The following FBXL20 variants were observed in gnomAD, a reference collection of about 807,000 sequenced individuals.
The protein encoded by FBXL20 is F-box and leucine rich repeat protein 20, also known as F-box/LRR-repeat protein 20.
In FBXL20, 11 loss-of-function variants were observed where a neutral mutation model predicts 64.0. That is an observed-to-expected ratio of 0.17 (90% CI 0.11 to 0.28). FBXL20 has a LOEUF of 0.28. FBXL20 is among the 10% of genes least tolerant of loss of function. The pLI, the probability that FBXL20 is intolerant of heterozygous loss-of-function variation, is 1.00. For synonymous variants in FBXL20, 184 were observed against 189.0 expected (o/e 0.97, Z 0.22); for missense variants, 303 against 526.2 (o/e 0.58, Z 4.15).
intron 14 of FBXL20, among the ~76,000 whole-genome samples, chr17:39,262,989 G>A (rs1295428267): frequency 8.0e-6 from 1 of 124,554 alleles, no homozygotes; most frequent in Non-Finnish European, 1.7e-5. Context: ...GTGACAGAGC[G>A]AGACTCTGTC....
chr17:39,325,609 A>G (rs2047401597), intron 2 of FBXL20, among the ~76,000 whole-genome samples: 1 of 152,170 alleles, frequency 6.6e-6, no homozygotes, highest in African/African-American at 2.4e-5. Context: ...AATGGATAGA[A>G]ACCTGCAAAG....
chr17:39,343,146 TAAAA>T (rs763334737), intron 2 of FBXL20, 30 bp downstream of exon 2: 55 of 1,529,112 alleles, frequency 3.6e-5, no homozygotes, highest in Non-Finnish European at 4.4e-5. Flanking sequence ...GACATACACA[TAAAA>T]AAACCCATAA....
intron 1 of FBXL20, among the ~76,000 whole-genome samples, chr17:39,350,277 G>A (rs2047675097): frequency 6.6e-6 from 1 of 152,168 alleles, no homozygotes; most frequent in Admixed American, 6.5e-5. Context: ...GATCACCTGA[G>A]GCTGGGAGAT....
chr17:39,309,021 T>C (rs1301559961), intron 2 of FBXL20, among the ~76,000 whole-genome samples: 1 of 152,198 alleles, frequency 6.6e-6, no homozygotes, highest in African/African-American at 2.4e-5. Context: ...AGTAAAAGCC[T>C]TGAGGCTTTT....
intron 2 of FBXL20, among the ~76,000 whole-genome samples, chr17:39,306,575 G>A (rs921975968): frequency 6.6e-6 from 1 of 152,118 alleles, no homozygotes; most frequent in South Asian, 2.1e-4. Flanking sequence ...TATATGTGAA[G>A]GTTTATTTCT....
intron 2 of FBXL20, among the ~76,000 whole-genome samples, chr17:39,341,407 A>AT (rs2047581806): frequency 6.6e-6 from 1 of 152,184 alleles, no homozygotes; most frequent in Non-Finnish European, 1.5e-5. Flanking sequence ...TAGATAAAAT[A>AT]CCTCCAGTGT....
chr17:39,371,741 A>C (rs1412623767), intron 1 of FBXL20, among the ~76,000 whole-genome samples: 1 of 150,224 alleles, frequency 6.7e-6, no homozygotes, highest in Non-Finnish European at 1.5e-5. Flanking sequence ...GCTCACCACA[A>C]CCTCCGCCTC....
intron 1 of FBXL20, among the ~76,000 whole-genome samples, chr17:39,357,476 C>A (rs141009881): frequency 3.9e-5 from 6 of 152,076 alleles, no homozygotes; most frequent in Admixed American, 3.3e-4. Flanking sequence ...TGTCTCATAT[C>A]TTTTGTTCTT....
chr17:39,271,319 C>A (rs932578417), intron 10 of FBXL20, among the ~76,000 whole-genome samples: 1 of 152,084 alleles, frequency 6.6e-6, no homozygotes, highest in Admixed American at 6.6e-5. Flanking sequence ...TGTGACAGGC[C>A]GGGCATGGTG....
chr17:39,285,119 T>C (rs2046977858), intron 7 of FBXL20, among the ~76,000 whole-genome samples: 1 of 152,158 alleles, frequency 6.6e-6, no homozygotes, highest in African/African-American at 2.4e-5. Context: ...TTGGCCAGGA[T>C]GGTCTTAACC....
intron 2 of FBXL20, among the ~76,000 whole-genome samples, chr17:39,321,269 C>G (rs1157605391): frequency 6.7e-6 from 1 of 150,138 alleles, no homozygotes; most frequent in Non-Finnish European, 1.5e-5. Flanking sequence ...CTGGCCACCA[C>G]AGTAAAACCC....
intron 2 of FBXL20, among the ~76,000 whole-genome samples, chr17:39,304,350 C>T (rs2047162896): frequency 6.6e-6 from 1 of 151,946 alleles, no homozygotes; most frequent in Non-Finnish European, 1.5e-5. Context: ...TGCAGTGGCA[C>T]AATCACAGCT....
intron 1 of FBXL20, among the ~76,000 whole-genome samples, chr17:39,382,956 A>G (rs2048040236): frequency 6.6e-6 from 1 of 151,796 alleles, no homozygotes; most frequent in African/African-American, 2.4e-5. Context: ...AGAGATGGAG[A>G]CCATCTTGGC....
At chr17:39,262,737 G>A (rs971210851) in intron 14 of FBXL20, among the ~76,000 whole-genome samples, 18 of 151,420 alleles carry the variant, frequency 1.2e-4, no homozygotes, top group African/African-American at 4.1e-4. Flanking sequence ...AGTGGCTCAT[G>A]CCTGTAATCC....
chr17:39,387,707 A>G (rs765220134), intron 1 of FBXL20, among the ~76,000 whole-genome samples: 5 of 151,622 alleles, frequency 3.3e-5, no homozygotes, highest in Non-Finnish European at 7.4e-5. Context: ...CCTCCCAAGT[A>G]GTTGGGACTA....
chr17:39,268,288 G>A (rs1567856558), intron 12 of FBXL20, among the ~76,000 whole-genome samples: 1 of 152,110 alleles, frequency 6.6e-6, no homozygotes, highest in Non-Finnish European at 1.5e-5. Flanking sequence ...GGGAGGTGGA[G>A]GTTGCAGTGA....
At chr17:39,325,454 T>C (rs1189750699) in intron 2 of FBXL20, among the ~76,000 whole-genome samples, 1 of 152,122 alleles carries the variant, frequency 6.6e-6, no homozygotes. Context: ...AAATTGGGAA[T>C]GAAATATTAA....
intron 1 of FBXL20, among the ~76,000 whole-genome samples, chr17:39,399,894 A>G (rs1278967810): frequency 6.6e-6 from 1 of 152,226 alleles, no homozygotes; most frequent in Non-Finnish European, 1.5e-5. Context: ...CTAATTCCAC[A>G]GGCAAAAGAC....
intron 6 of FBXL20, among the ~76,000 whole-genome samples, chr17:39,289,998 C>CAAAAAAAAAAA (rs368530587): frequency 2.4e-5 from 1 of 41,878 alleles, no homozygotes; most frequent in African/African-American, 7.5e-5. Context: ...GACTCAGTCT[C>CAAAAAAAAAAA]AAAAAAAAAA....
Sources: allele counts gnomAD v4.1 joint callset (sites outside exome capture counted in the v4.1 genomes callset), GRCh38; gene constraint gnomAD v4.1.1; transcripts MANE v1.5; gene names NCBI Gene and HGNC (gene_info 2026-07-23, HGNC 2026-07-21).